The following LARGE1 variants were observed in gnomAD, a reference collection of about 807,000 sequenced individuals.
The protein encoded by LARGE1 is LARGE xylosyl- and glucuronyltransferase 1, also known as xylosyl- and glucuronyltransferase LARGE1.
LARGE1 carries 43 observed loss-of-function variants against 87.6 expected under a neutral mutation model. That is an observed-to-expected ratio of 0.49 (90% CI 0.38 to 0.63). The LOEUF is 0.63. Among genes scored for constraint, LARGE1 ranks in the 30% least tolerant of loss-of-function variants. The probability of loss-of-function intolerance (pLI) is 0.00; values close to 1 mark genes in which losing one functional copy is unlikely to be tolerated. For synonymous variants in LARGE1, 434 were observed against 394.6 expected (o/e 1.10, Z -1.18); for missense variants, 802 against 1,000.2 (o/e 0.80, Z 2.67).
chr22:33,650,610 C>G lies in LARGE1; in HGVS notation c.165G>C (p.Thr55=), dbSNP rs63446460. ...LESQAHSPRY[T]ASSQRERESL... ...TCTCGCGCTCCCGCTGGCTGGAGGC[C>G]GTGTACCTGGGGCTGTGTGCCTGGG... The change falls in exon 3 of 15, where the codon ACG becomes ACC. Residue 55 remains threonine, a synonymous_variant. Transcript: ENST00000397394. 4,184 of 1,604,364 alleles carry G rather than the reference C, an allele frequency of 2.6e-3. 92 individuals are homozygous for G. The African/African-American group carries it at 0.047, about 18-fold the overall frequency.
chr22:33,902,858 G>A (rs566643204), intron 1 of LARGE1, among the ~76,000 whole-genome samples: 37 of 152,274 alleles, frequency 2.4e-4, no homozygotes, highest in African/African-American at 7.9e-4. Context: ...AAGGCTGGGC[G>A]CAGTGGCTTA....
chr22:33,673,829 ACGACCACGCCCAGC>A, intron 2 of LARGE1, among the ~76,000 whole-genome samples: 3 of 73,744 alleles, frequency 4.1e-5, no homozygotes, highest in Non-Finnish European at 5.6e-5. Context: ...CCTGGGTTAC[ACGACCACGCCCAGC>A]TAATTTTGTG....
downstream of LARGE1, among the ~76,000 whole-genome samples, chr22:33,157,717 T>C (rs576649515): frequency 6.6e-6 from 1 of 152,348 alleles, no homozygotes; most frequent in Admixed American, 6.5e-5. Flanking sequence ...AACATCATGA[T>C]ACCCTTCTTT....
At chr22:33,411,314 G>C (rs1175322167) in intron 7 of LARGE1, among the ~76,000 whole-genome samples, 2 of 152,192 alleles carry the variant, frequency 1.3e-5, no homozygotes, top group Middle Eastern at 3.2e-3. Context: ...CTTGGCCACT[G>C]GTCAACGATC....
intron 11 of LARGE1, among the ~76,000 whole-genome samples, chr22:33,193,090 G>T (rs983108105): frequency 6.6e-6 from 1 of 152,012 alleles, no homozygotes; most frequent in Non-Finnish European, 1.5e-5. Context: ...ATGTGTGTGT[G>T]TGTATGTGTA....
chr22:33,707,706 A>G (rs2082603314), intron 2 of LARGE1, among the ~76,000 whole-genome samples: 1 of 152,250 alleles, frequency 6.6e-6, no homozygotes, highest in Non-Finnish European at 1.5e-5. Flanking sequence ...GTCCGGGGGA[A>G]GCAAAAGAAG....
At chr22:33,619,912 G>A (rs1378789524) in intron 4 of LARGE1, among the ~76,000 whole-genome samples, 6 of 152,072 alleles carry the variant, frequency 3.9e-5, no homozygotes, top group South Asian at 2.1e-4. Context: ...TATTCAAAAC[G>A]GGGCTCTAAG....
chr22:33,706,077 A>T (rs1294632349), intron 2 of LARGE1, among the ~76,000 whole-genome samples: 1 of 152,142 alleles, frequency 6.6e-6, no homozygotes, highest in African/African-American at 2.4e-5. Context: ...CCGGTGGGCG[A>T]CAAGAAAGAA....
At chr22:33,777,405 A>T (rs920248163) in intron 1 of LARGE1, among the ~76,000 whole-genome samples, 2 of 152,024 alleles carry the variant, frequency 1.3e-5, no homozygotes, top group African/African-American at 2.4e-5. Context: ...CGGGAGGCTG[A>T]GATTGGATGA....
chr22:33,651,225 C>CAAAAAAAAAAAAAAAAAAAAAAAAAA lies in LARGE1; in HGVS notation c.107-558_107-557insTTTTTTTTTTTTTTTTTTTTTTTTTT, dbSNP rs71187275. Among the ~76,000 whole-genome samples, 43 of 56,568 alleles carry CAAAAAAAAAAAAAAAAAAAAAAAAAA rather than the reference C, an allele frequency of 7.6e-4. 8 individuals are homozygous for CAAAAAAAAAAAAAAAAAAAAAAAAAA. The highest frequency in any genetic ancestry group is 8.7e-4 in the Non-Finnish European group (24 of 27,554). 37.1% of individuals were successfully genotyped at this position (56,568 alleles called of 152,430 possible). A position where few individuals can be genotyped will look rare whatever the true frequency, so the allele number is the denominator to read the frequency against. ...TGAAACCCGGTCTCTACTAAAAATA[C>CAAAAAAAAAAAAAAAAAAAAAAAAAA]AAAAAAAAAAAAAAAAATTAGCCGG... On this transcript the variant is annotated intron_variant, in intron 2 of 14. Transcript: ENST00000397394.
At chr22:33,846,569 C>T (rs142979454) in intron 1 of LARGE1, among the ~76,000 whole-genome samples, 8 of 152,256 alleles carry the variant, frequency 5.3e-5, no homozygotes, top group East Asian at 3.9e-4. Context: ...CTCTGACCAA[C>T]GGTGAGCCAG....
At chr22:33,374,233 A>G (rs184570634) in intron 9 of LARGE1, among the ~76,000 whole-genome samples, 24 of 152,216 alleles carry the variant, frequency 1.6e-4, no homozygotes, top group Non-Finnish European at 2.8e-4. Context: ...AAATTCAAGT[A>G]CCCTTTTCAT....
At chr22:33,312,735 T>C (rs1935742854) in intron 11 of LARGE1, among the ~76,000 whole-genome samples, 2 of 152,134 alleles carry the variant, frequency 1.3e-5, no homozygotes, top group South Asian at 2.1e-4. Flanking sequence ...CTTGCATGGA[T>C]TATAGTACCT....
At chr22:33,509,904 C>A (rs780922089) in intron 6 of LARGE1, among the ~76,000 whole-genome samples, 44 of 152,198 alleles carry the variant, frequency 2.9e-4, no homozygotes, top group Non-Finnish European at 5.1e-4. Context: ...CTGGGCTTCA[C>A]CAACCTATGA....
At chr22:33,267,854 T>G (rs1281526692), downstream of LARGE1, among the ~76,000 whole-genome samples, 2 of 151,662 alleles carry the variant, frequency 1.3e-5, no homozygotes, top group East Asian at 1.9e-4. Flanking sequence ...CCAAGTCACT[T>G]AGTTTTACCT....
intron 1 of LARGE1, among the ~76,000 whole-genome samples, chr22:33,799,430 A>G (rs1267330332): frequency 6.6e-6 from 1 of 151,706 alleles, no homozygotes; most frequent in Non-Finnish European, 1.5e-5. Context: ...TTGTAAACAT[A>G]TACAGATAAG....
rs1174940216 is a variant in LARGE1, at chr22:33,782,816, C to G, written c.-82-21258G>C. ...GGAGGTGGAGGTTGCAGTGAGCCAA[C>G]ATCACGCCACTGCACTCCAGCCTGG... On this transcript the variant is annotated intron_variant, in intron 1 of 14. Coordinates refer to ENST00000397394, the MANE Select transcript of LARGE1 (RefSeq NM_133642.5). Among the ~76,000 whole-genome samples, 4 of 148,628 alleles carry G rather than the reference C, an allele frequency of 2.7e-5. No individual in the cohort carries two copies. In the Admixed American group the frequency reaches 2.7e-4, roughly 10 times the overall value.
chr22:33,572,807 T>C (rs1398540329), intron 5 of LARGE1, among the ~76,000 whole-genome samples: 1 of 151,764 alleles, frequency 6.6e-6, no homozygotes, highest in African/African-American at 2.4e-5. Flanking sequence ...GAGGTGGAGG[T>C]TGCAGTGAGC....
the LARGE1 span, among the ~76,000 whole-genome samples, chr22:33,075,763 C>T: frequency 6.6e-6 from 1 of 152,162 alleles, no homozygotes; most frequent in South Asian, 2.1e-4. Flanking sequence ...CACGGTATCA[C>T]ATTCCTTCCT....
Sources: gnomAD v4.1 joint callset for allele counts (sites outside exome capture counted in the v4.1 genomes callset) on GRCh38, gnomAD v4.1.1 for gene constraint, MANE v1.5 for transcripts, NCBI Gene and HGNC (gene_info 2026-07-23, HGNC 2026-07-21) for gene names.